Variants in AIPL1 observed in about 807,000 individuals in gnomAD.
The protein encoded by AIPL1 is aryl-hydrocarbon-interacting protein-like 1.
Under a neutral mutation model 32.9 loss-of-function variants are expected in AIPL1, and 23 were observed. That is an observed-to-expected ratio of 0.70 (90% confidence interval 0.50 to 0.99). AIPL1 has a LOEUF of 0.99. Ranked by LOEUF, AIPL1 falls within the 50% of genes least tolerant of loss-of-function variation. The pLI, the probability that AIPL1 is intolerant of heterozygous loss-of-function variation, is 0.00. For synonymous variants in AIPL1, 210 were observed against 209.4 expected, an observed-to-expected ratio of 1.00 and a Z score of -0.02; for missense variants, 485 against 506.0, an observed-to-expected ratio of 0.96 and a Z score of 0.40.
chr17:6,433,870 A>AGCCCCGAAAAGACTAGTCCCAGGAGACAG, intron 2 of AIPL1, 49 bp downstream of exon 2: 1 of 1,598,312 alleles, frequency 6.3e-7, no homozygotes, highest in Non-Finnish European at 8.5e-7. Flanking sequence ...CGGGTGGGTG[A>AGCCCCGAAAAGACTAGTCCCAGGAGACAG]GCCCAGAAAA....
Position 6,435,121 on chromosome 17 carries a change from G to C in AIPL1, c.-17C>G. The C allele has an allele frequency of 6.8e-6, 11 of 1,614,078 alleles. No individual in the cohort carries two copies. Among genetic ancestry groups the C allele is most frequent in the Non-Finnish European group, 8.5e-6 (10 of 1,179,962 alleles). On this transcript the variant is annotated 5_prime_UTR_variant, in exon 1 of 6. Coordinates refer to ENST00000381129, the MANE Select transcript of AIPL1 (RefSeq NM_014336.5). ...GGCATCCATGGCTGCAGGAGAAAGG[G>C]AGGTGTCCAGCACAGGCGGAGATAA...
chr17:6,425,575 G>C lies in AIPL1; in HGVS notation c.1040C>G (p.Ser347Cys). The change falls in exon 6 of 6, where the codon TCC (serine) becomes TGC (cysteine). Residue 347 changes from serine (S) to cysteine (C), a missense_variant. Transcript: ENST00000381129. The stretch of plus-strand genomic sequence containing the variant: ...GGGTGGCTCTGCAGGTGGCTCTGTG[G>C]ATGACTGTGCGGGTGGCTCTGTGGG... ...EPPTEPPAQS[S>C]TEPPAEPPTA... The C allele has an allele frequency of 5.0e-6, 8 of 1,613,210 alleles. No homozygotes were observed. The highest frequency in any genetic ancestry group is 5.9e-6 in the Non-Finnish European group (7 of 1,179,730).
rs757121467 is a variant in AIPL1, at chr17:6,425,585, C to A, written c.1030G>T (p.Ala344Ser). 4 of 1,612,936 alleles carry A rather than the reference C, an allele frequency of 2.5e-6. No individual in the cohort carries two copies. Among genetic ancestry groups the A allele is most frequent in the East Asian group, 4.5e-5 (2 of 44,864 alleles). The part of the protein sequence containing the change: ...PPAEPPTEPP[A>S]QSSTEPPAEP... ...GCAGGTGGCTCTGTGGATGACTGTG[C>A]GGGTGGCTCTGTGGGTGGCTCTGCG... The change falls in exon 6 of 6, where the codon GCA becomes TCA. Residue 344 changes from alanine to serine, a missense_variant. Physicochemically the swap from Ala to Ser is moderately conservative, Grantham distance 99. Coordinates refer to ENST00000381129, the MANE Select transcript of AIPL1 (RefSeq NM_014336.5).
chr17:6,433,915 T>C lies in AIPL1; in HGVS notation c.276+4A>G, dbSNP rs1912885208. On this transcript the variant is annotated splice_donor_region_variant and intron_variant, in intron 2 of 5. Coordinates refer to ENST00000381129, the MANE Select transcript of AIPL1 (RefSeq NM_014336.5). ...CAGGAGACAGGCGCGCAGGGCCTAC[T>C]TACGATGGTGTCGCACCAGAACTCG... 1 of 1,597,436 alleles carries C rather than the reference T, an allele frequency of 6.3e-7. No homozygotes were observed. Among genetic ancestry groups the C allele is most frequent in the African/African-American group, 1.5e-5 (1 of 67,240 alleles).
At chr17:6,427,257 C>G (rs923616322) in intron 3 of AIPL1, among the ~76,000 whole-genome samples, 200 bp from the exon 4 acceptor site, 1 of 152,194 alleles carries the variant, frequency 6.6e-6, no homozygotes, top group African/African-American at 2.4e-5. Context: ...AAAAGGTGCC[C>G]GTTCATCAAG....
At chr17:6,432,150 A>C (rs1378034973) in intron 2 of AIPL1, among the ~76,000 whole-genome samples, 1 of 152,146 alleles carries the variant, frequency 6.6e-6, no homozygotes, top group African/African-American at 2.4e-5. Flanking sequence ...TTTAGGAGGC[A>C]GAGGCGGGCG....
chr17:6,426,652 C>T lies in AIPL1; in HGVS notation c.747G>A (p.Val249=), dbSNP rs1445237632. The change falls in exon 5 of 6, where the codon GTG becomes GTA. Residue 249 remains valine, a synonymous_variant. Transcript: ENST00000381129. ...CLLKKEEYYE[V]LEHTSDILRH... is the part of the protein sequence containing the mutation. ...GGAGAATATCACTGGTGTGCTCCAG[C>T]ACCTCATAGTACTCCTCCTTCTTCA... is the stretch of plus-strand genomic sequence containing the variant. 6.2e-7 allele frequency: 1 copy of T among 1,614,092 alleles called. No homozygotes were observed. The highest frequency in any genetic ancestry group is 8.5e-7 in the Non-Finnish European group (1 of 1,180,048).
At chr17:6,430,085 G>T (rs1912437060) in intron 2 of AIPL1, among the ~76,000 whole-genome samples, 1 of 142,130 alleles carries the variant, frequency 7.0e-6, no homozygotes, top group African/African-American at 2.6e-5. Context: ...GTGTGTGTGT[G>T]TGCATGCGTA....
rs573817935 is a variant in AIPL1, at chr17:6,428,139, G to C, written c.465+179C>G. Among the ~76,000 whole-genome samples the C allele has an allele frequency of 4.6e-5, 7 of 152,244 alleles. No individual in the cohort carries two copies. The South Asian group carries it at 1.4e-3, about 32-fold the overall frequency. On this transcript the variant is annotated intron_variant, in intron 3 of 5. Coordinates refer to ENST00000381129, the MANE Select transcript of AIPL1 (RefSeq NM_014336.5). The stretch of plus-strand genomic sequence containing the variant: ...CCAGCACCAAAGGACTTTTCTTGTG[G>C]AAAAATCAGAGGACTTTTTTTTCAA...
intron 2 of AIPL1, among the ~76,000 whole-genome samples, chr17:6,429,229 T>G (rs191066061): frequency 1.3e-5 from 2 of 152,320 alleles, no homozygotes; most frequent in Non-Finnish European, 2.9e-5. Context: ...GCTGTATGTA[T>G]GCTGGGCCTC....
At chr17:6,433,383 G>T (rs116480304) in intron 2 of AIPL1, among the ~76,000 whole-genome samples, 1 of 152,220 alleles carries the variant, frequency 6.6e-6, no homozygotes, top group African/African-American at 2.4e-5. Flanking sequence ...GATTGCTTAA[G>T]CCCAAGAGTT....
At chr17:6,429,723 G>A (rs1333958591) in intron 2 of AIPL1, among the ~76,000 whole-genome samples, 1 of 152,166 alleles carries the variant, frequency 6.6e-6, no homozygotes, top group Non-Finnish European at 1.5e-5. Context: ...TTCCCTAAGG[G>A]CTAGGGGCTT....
chr17:6,425,657 G>A lies in AIPL1; in HGVS notation c.958C>T (p.Arg320Trp), dbSNP rs1445697118. The A allele has an allele frequency of 1.1e-5, 17 of 1,611,142 alleles. No homozygotes were observed. Among genetic ancestry groups the A allele is most frequent in the Non-Finnish European group, 1.4e-5 (16 of 1,179,940 alleles). ...CTCAGCATGTTCCGGCAGCGCAGCCGCTCCTCCTCCTGCTTCTCCGCCATG... is the reference window on the plus strand; with the variant it reads ...CTCAGCATGTTCCGGCAGCGCAGCCACTCCTCCTCCTGCTTCTCCGCCATG... ...NRMAEKQEEE[R>W]LRCRNMLSQG... Residue 320 changes from arginine (R) to tryptophan (W), a missense_variant, in exon 6 of 6, where the codon CGG becomes TGG. Arg to Trp is a moderately radical substitution (Grantham distance 101, BLOSUM62 -3). Transcript: ENST00000381129.
intron 3 of AIPL1, among the ~76,000 whole-genome samples, chr17:6,427,731 C>T (rs1444557348): frequency 6.6e-6 from 1 of 152,154 alleles, no homozygotes; most frequent in East Asian, 1.9e-4. Flanking sequence ...TCTCCAACTC[C>T]TGAAAATGAA....
Position 6,425,324 on chromosome 17 carries a change from T to TTTAA in AIPL1, c.*135_*136insTTAA. On this transcript the variant is annotated 3_prime_UTR_variant, in exon 6 of 6. Coordinates refer to ENST00000381129, the MANE Select transcript of AIPL1 (RefSeq NM_014336.5). ...TTGGGATTGTTTTTTTTTTTTTTTTTACCATGGGTGTGTCTGACTTTGATT... is the reference window on the plus strand; with the variant it reads ...TTGGGATTGTTTTTTTTTTTTTTTTTTTAAACCATGGGTGTGTCTGACTTTGATT... The TTTAA allele has an allele frequency of 1.0e-6, 1 of 981,004 alleles. No homozygotes were observed. 60.8% of individuals were successfully genotyped at this position (981,004 alleles called of 1,614,324 possible).
intron 2 of AIPL1, among the ~76,000 whole-genome samples, chr17:6,429,824 G>GTAGATAGA (rs772773845): frequency 4.6e-4 from 31 of 67,612 alleles, no homozygotes; most frequent in East Asian, 6.6e-4. Flanking sequence ...AGGTAGGTAG[G>GTAGATAGA]TAGATAGATA....
rs927702449 is a variant in AIPL1 at position 6,425,736 on chromosome 17, C to T, written c.879G>A (p.Leu293=). ...GCACCGCCTTCTGCATGGACGGCTC[C>T]AGCTCCAGCACTTTCTGGAGGTCCG... ...AKADLQKVLE[L]EPSMQKAVRR... is the part of the protein sequence containing the mutation. Residue 293 remains leucine (L), a synonymous_variant, in exon 6 of 6, where the codon CTG becomes CTA. Coordinates refer to ENST00000381129, the MANE Select transcript of AIPL1 (RefSeq NM_014336.5). 3 of 1,607,658 alleles carry T rather than the reference C, an allele frequency of 1.9e-6. No individual in the cohort carries two copies. Among genetic ancestry groups the T allele is most frequent in the Non-Finnish European group, 2.5e-6 (3 of 1,180,012 alleles).
chr17:6,425,638 A>G lies in AIPL1; in HGVS notation c.977T>C (p.Met326Thr). The G allele has an allele frequency of 6.2e-7, 1 of 1,612,498 alleles. No homozygotes were observed. The highest frequency in any genetic ancestry group is 8.5e-7 in the Non-Finnish European group (1 of 1,179,882). ...AGGCTGCGTGGCACCCTGGCTCAGCATGTTCCGGCAGCGCAGCCGCTCCTC... is the reference window on the plus strand; with the variant it reads ...AGGCTGCGTGGCACCCTGGCTCAGCGTGTTCCGGCAGCGCAGCCGCTCCTC... ...QEEERLRCRN[M>T]LSQGATQPPA... Residue 326 changes from methionine to threonine, a missense_variant, in exon 6 of 6, where the codon ATG (methionine) becomes ACG (threonine). Coordinates refer to ENST00000381129, the MANE Select transcript of AIPL1 (RefSeq NM_014336.5).
chr17:6,428,197 C>A (rs992260248), intron 3 of AIPL1, 121 bp downstream of exon 3: 13 of 1,112,316 alleles, frequency 1.2e-5, no homozygotes, highest in Non-Finnish European at 1.7e-5. Flanking sequence ...TGAACCCTCT[C>A]GTATTATCTA....
Sources: gnomAD v4.1 joint callset for allele counts (sites outside exome capture counted in the v4.1 genomes callset) on GRCh38, gnomAD v4.1.1 for gene constraint, MANE v1.5 for transcripts, NCBI Gene and HGNC (gene_info 2026-07-23, HGNC 2026-07-21) for gene names.